The following ATM variants were observed in gnomAD, a reference collection of about 807,000 sequenced individuals.
ATM encodes the protein ATM serine/threonine kinase, also known as serine-protein kinase ATM.
ATM carries 308 observed loss-of-function variants against 387.0 expected under a neutral mutation model. The ratio of observed to expected loss-of-function variants is 0.80; its 90% CI spans 0.73 to 0.87. ATM has a LOEUF of 0.87. Ranked by LOEUF, ATM falls within the 40% of genes least tolerant of loss-of-function variation. ATM has a pLI of 0.00. For missense variants in ATM, 3,312 were observed against 3,560.9 expected, an observed-to-expected ratio of 0.93 and a Z score of 1.78; for synonymous variants, 1,156 against 1,187.3, an observed-to-expected ratio of 0.97 and a Z score of 0.54.
chr11:108,312,267 G>T, intron 39 of ATM, 144 bp from the exon 40 acceptor site: 1 of 648,872 alleles, frequency 1.5e-6, no homozygotes, highest in South Asian at 1.8e-5. Context: ...GGTATAAATG[G>T]TATTATGTTT....
chr11:108,354,068 C>A (rs200206877), intron 60 of ATM, among the ~76,000 whole-genome samples, 188 bp downstream of exon 60: 1 of 114,502 alleles, frequency 8.7e-6, no homozygotes, highest in South Asian at 2.7e-4. Context: ...TACACACACA[C>A]AAACACACAC....
chr11:108,258,952 T>C lies in ATM; in HGVS notation c.2377-34T>C, dbSNP rs759719314. On this transcript the variant is annotated intron_variant, in intron 15 of 62. Transcript: ENST00000675843. The stretch of plus-strand genomic sequence containing the variant: ...GCCAAGAATAATTGTTTTTATTTCT[T>C]TGTTGCTTGGTTCTTTGTTTGTCTT... 114 of 1,531,048 alleles carry C rather than the reference T, an allele frequency of 7.4e-5. No homozygotes were observed. The highest frequency in any genetic ancestry group is 9.2e-5 in the Non-Finnish European group (102 of 1,105,246). 94.8% of individuals were successfully genotyped at this position (1,531,048 alleles called of 1,614,324 possible).
intron 4 of ATM, 28 bp downstream of exon 4, chr11:108,229,351 A>T (rs530540420): frequency 6.3e-7 from 1 of 1,592,932 alleles, no homozygotes; most frequent in South Asian, 1.1e-5. Flanking sequence ...TTATAAATAA[A>T]TGGCTTAACA....
At chr11:108,248,091 T>A (rs1051637870) in intron 8 of ATM, among the ~76,000 whole-genome samples, 7 of 152,204 alleles carry the variant, frequency 4.6e-5, no homozygotes, top group African/African-American at 1.7e-4. Flanking sequence ...CTAAGCATAA[T>A]GTTTTCAAAG....
rs190019661 is a variant in ATM at position 108,305,347 on chromosome 11, A to G, written c.5674+495A>G. On this transcript the variant is annotated intron_variant, in intron 37 of 62. Transcript: ENST00000675843. ...GTAATGCCAGCACTTTGGGATGCCA[A>G]GGTTGGTGGATCACTTCAGGTCAGG... Among the ~76,000 whole-genome samples the G allele has an allele frequency of 4.8e-3, 737 of 152,340 alleles. 8 individuals are homozygous for G. The highest frequency in any genetic ancestry group is 0.017 in the African/African-American group (695 of 41,580).
rs1006554443 is a variant in ATM, at chr11:108,365,529, C to G, written c.*21C>G. The G allele has an allele frequency of 3.7e-6, 6 of 1,611,682 alleles. No homozygotes were observed. The highest frequency in any genetic ancestry group is 5.1e-6 in the Non-Finnish European group (6 of 1,178,510). ...TGTGATCTTCAGTATATGAATTACCCTTTCATTCAGCCTTTAGAAATTATA... is the reference window on the plus strand; with the variant it reads ...TGTGATCTTCAGTATATGAATTACCGTTTCATTCAGCCTTTAGAAATTATA... On this transcript the variant is annotated 3_prime_UTR_variant, in exon 63 of 63. Transcript: ENST00000675843.
chr11:108,361,887 G>T (rs2090808897), intron 61 of ATM, among the ~76,000 whole-genome samples: 1 of 150,230 alleles, frequency 6.7e-6, no homozygotes, highest in Non-Finnish European at 1.5e-5. Context: ...CATAGGCATG[G>T]GCAAGGACTT....
At chr11:108,305,824 C>T (rs1236847838) in intron 37 of ATM, among the ~76,000 whole-genome samples, 1 of 151,976 alleles carries the variant, frequency 6.6e-6, no homozygotes, top group South Asian at 2.1e-4. Context: ...GTTTTTTAAA[C>T]CTAAATTTTA....
intron 43 of ATM, among the ~76,000 whole-genome samples, chr11:108,318,285 A>G (rs1380599910): frequency 6.6e-6 from 1 of 151,718 alleles, no homozygotes; most frequent in African/African-American, 2.4e-5. Context: ...TTGCTAGAAC[A>G]CGGGAGACGG....
intron 39 of ATM, among the ~76,000 whole-genome samples, 187 bp downstream of exon 39, chr11:108,310,502 A>T (rs947689518): frequency 6.6e-6 from 1 of 152,208 alleles, no homozygotes; most frequent in African/African-American, 2.4e-5. Context: ...CTGAAATAAT[A>T]GGAATGCTTA....
chr11:108,250,704 A>G lies in ATM; in HGVS notation c.1239A>G (p.Leu413=), dbSNP rs1171462233. The G allele has an allele frequency of 6.3e-7, 1 of 1,581,254 alleles. No homozygotes were observed. Among genetic ancestry groups the G allele is most frequent in the South Asian group, 1.1e-5 (1 of 88,768 alleles). ...SQNDFDLVPW[L]QIATQLISKY... ...TATCCTTTTTTTTTTTTTTTAGGCTACAGATTGCAACCCAATTAATATCAA... is the reference window on the plus strand; with the variant it reads ...TATCCTTTTTTTTTTTTTTTAGGCTGCAGATTGCAACCCAATTAATATCAA... The change falls in exon 10 of 63, where the codon CTA becomes CTG. Residue 413 remains leucine (L), a synonymous_variant. Coordinates refer to ENST00000675843, the MANE Select transcript of ATM (RefSeq NM_000051.4).
At chr11:108,277,978 CCTAA>C (rs1565436938) in intron 22 of ATM, among the ~76,000 whole-genome samples, 1 of 151,988 alleles carries the variant, frequency 6.6e-6, no homozygotes, top group Admixed American at 6.6e-5. Flanking sequence ...ATTTTTAGCA[CCTAA>C]AACAATACTT....
chr11:108,257,740 C>T (rs928901831), intron 15 of ATM, 134 bp downstream of exon 15: 1 of 919,882 alleles, frequency 1.1e-6, no homozygotes, highest in Admixed American at 2.0e-5. Flanking sequence ...CTGCCTCAGC[C>T]TCCCAAGTAA....
At chr11:108,317,648 T>TACACACACACACAC (rs1453200885) in intron 43 of ATM, 127 bp downstream of exon 43, 4 of 132,978 alleles carry the variant, frequency 3.0e-5, no homozygotes, top group African/African-American at 1.7e-4. Flanking sequence ...TATATATATA[T>TACACACACACACAC]ATATACACAC....
At chr11:108,310,346 A>G in intron 39 of ATM, 31 bp downstream of exon 39, 1 of 1,590,362 alleles carries the variant, frequency 6.3e-7, no homozygotes, top group Non-Finnish European at 8.6e-7. Flanking sequence ...TGGTTTTTAA[A>G]ATTAATGTTG....
At position 108,326,238 on chromosome 11, in the gene ATM, T is replaced by TA. The variant is rs1555120120; in HGVS notation, c.6975+14dup. ...CAGCTGTGCAGCGGTTTGTTTTTTTTATTGGCTGGATTAGTGTTTTACTGT... is the reference window on the plus strand; with the variant it reads ...CAGCTGTGCAGCGGTTTGTTTTTTTTAATTGGCTGGATTAGTGTTTTACTGT... On this transcript the variant is annotated intron_variant, in intron 47 of 62. Transcript: ENST00000675843. The TA allele has an allele frequency of 2.5e-6, 4 of 1,614,090 alleles. No individual in the cohort carries two copies. The highest frequency in any genetic ancestry group is 2.5e-6 in the Non-Finnish European group (3 of 1,180,006).
chr11:108,295,112 T>C (rs1239978265), intron 32 of ATM, 53 bp downstream of exon 32: 7 of 1,608,026 alleles, frequency 4.4e-6, no homozygotes, highest in Non-Finnish European at 6.0e-6. Flanking sequence ...TTTGAAAGAA[T>C]ATTTTGCAAA....
At chr11:108,249,149 A>G (rs564884761) in intron 9 of ATM, 47 bp downstream of exon 9, 3 of 1,606,266 alleles carry the variant, frequency 1.9e-6, no homozygotes, top group South Asian at 1.1e-5. Flanking sequence ...AATCTCTTGT[A>G]TGTTATTTTT....
chr11:108,327,392 T>A lies in ATM; in HGVS notation c.6976-253T>A, dbSNP rs4988109. 605 of 429,062 alleles carry A rather than the reference T, an allele frequency of 1.4e-3. 4 individuals carry two copies. The highest frequency in any genetic ancestry group is 0.011 in the African/African-American group (534 of 49,584). 26.6% of individuals were successfully genotyped at this position (429,062 alleles called of 1,614,324 possible). On this transcript the variant is annotated intron_variant, in intron 47 of 62. Transcript: ENST00000675843. Reference sequence around the variant, plus strand: ...ATATATATAAAGCCTTTACAAAGTGTCTGACATATATAAGTACTCAATAAA... The same window carrying A: ...ATATATATAAAGCCTTTACAAAGTGACTGACATATATAAGTACTCAATAAA...
Sources: gnomAD v4.1 joint callset for allele counts (sites outside exome capture counted in the v4.1 genomes callset) on GRCh38, gnomAD v4.1.1 for gene constraint, MANE v1.5 for transcripts, NCBI Gene and HGNC (gene_info 2026-07-23, HGNC 2026-07-21) for gene names.